The following CDC14B variants were observed in gnomAD, a reference collection of about 807,000 sequenced individuals.
CDC14B encodes cell division cycle 14B.
Under a neutral mutation model 64.2 loss-of-function variants are expected in CDC14B, and 22 were observed. The observed-to-expected ratio is 0.34, with a 90% CI of 0.24 to 0.49. The LOEUF is 0.49. Ranked by LOEUF, CDC14B falls within the 20% of genes least tolerant of loss-of-function variation. The pLI is 0.99. For missense variants in CDC14B, 498 were observed against 629.9 expected, an observed-to-expected ratio of 0.79 and a Z score of 2.24; for synonymous variants, 191 against 215.8, an observed-to-expected ratio of 0.89 and a Z score of 1.01.
At chr9:96,494,048 G>A (rs1410520229) in intron 13 of CDC14B, among the ~76,000 whole-genome samples, 1 of 152,188 alleles carries the variant, frequency 6.6e-6, no homozygotes, top group African/African-American at 2.4e-5. Flanking sequence ...GCAAAGCCTG[G>A]TTACTGAAGG....
At chr9:96,491,612 C>T (rs1220909275) in exon 14 of CDC14B, 1 of 152,226 alleles carries the variant, frequency 6.6e-6, no homozygotes, top group Non-Finnish European at 1.5e-5. Flanking sequence ...TGTCATGAGT[C>T]AGTGGCTTTG....
chr9:96,567,195 G>A, intron 1 of CDC14B: 1 of 284,706 alleles, frequency 3.5e-6, no homozygotes, highest in Non-Finnish European at 6.7e-6. Flanking sequence ...AGGCCAGCGG[G>A]CCTGCAGAGG....
intron 1 of CDC14B, among the ~76,000 whole-genome samples, chr9:96,585,000 G>A (rs1458277881): frequency 2.6e-5 from 4 of 152,014 alleles, no homozygotes; most frequent in South Asian, 2.1e-4. Flanking sequence ...TTGCCTTATC[G>A]GAAGCAAAAT....
chr9:96,533,469 T>C (rs1182575500), intron 9 of CDC14B, among the ~76,000 whole-genome samples: 1 of 152,240 alleles, frequency 6.6e-6, no homozygotes, highest in Admixed American at 6.5e-5. Context: ...GTAACAAAAC[T>C]ATATTTCTTG....
intron 9 of CDC14B, among the ~76,000 whole-genome samples, chr9:96,527,663 C>T (rs139806095): frequency 0.11 from 17,404 of 151,542 alleles, 3,302 homozygotes; most frequent in African/African-American, 0.4. Flanking sequence ...TCGCCCAGGC[C>T]GGAGTGCAAT....
At chr9:96,539,415 T>C (rs1263201174) in intron 6 of CDC14B, among the ~76,000 whole-genome samples, 4 of 152,240 alleles carry the variant, frequency 2.6e-5, no homozygotes, top group African/African-American at 9.6e-5. Flanking sequence ...CCAGTCATCC[T>C]ATCCATGTAT....
chr9:96,544,843 A>G (rs1399770073), intron 5 of CDC14B, among the ~76,000 whole-genome samples: 1 of 152,160 alleles, frequency 6.6e-6, no homozygotes, highest in African/African-American at 2.4e-5. Context: ...AAGGTTCTGA[A>G]GTGAAAAACT....
In CDC14B at chr9:96,522,510, G is replaced by T; in HGVS notation, c.1339C>A (p.Leu447Ile). Residue 447 changes from leucine (L) to isoleucine (I), a missense_variant, in exon 12 of 14, where the codon CTC becomes ATC. Physicochemically the swap from Leu to Ile is conservative, Grantham distance 5 (BLOSUM62 2). Transcript: ENST00000375241. ...RRQSKTNAIP[L>I]TVILQSSVQS... ...AACAAAGGAACCCAGACTCACGTGAGAGGAATAGCGTTTGTTTTGGATTGT... is the reference window on the plus strand; with the variant it reads ...AACAAAGGAACCCAGACTCACGTGATAGGAATAGCGTTTGTTTTGGATTGT... 1 of 1,604,512 alleles carries T rather than the reference G, an allele frequency of 6.2e-7. No homozygotes were observed. Among genetic ancestry groups the T allele is most frequent in the South Asian group, 1.1e-5 (1 of 90,872 alleles).
At chr9:96,611,998 T>C (rs1025140775) in intron 1 of CDC14B, among the ~76,000 whole-genome samples, 4 of 152,244 alleles carry the variant, frequency 2.6e-5, no homozygotes, top group African/African-American at 9.6e-5. Context: ...AATTTAATAT[T>C]AGGCAATATA....
At chr9:96,491,686 GA>G (rs1833099630) in exon 14 of CDC14B, 1 of 152,190 alleles carries the variant, frequency 6.6e-6, no homozygotes, top group South Asian at 2.1e-4. Context: ...GCCCTTTGAA[GA>G]AACTTTCCTT....
At chr9:96,583,370 T>TTATTA (rs1554775482) in intron 1 of CDC14B, among the ~76,000 whole-genome samples, 1 of 139,104 alleles carries the variant, frequency 7.2e-6, no homozygotes, top group African/African-American at 2.7e-5. Flanking sequence ...GTTGTATTTA[T>TTATTA]TTATTATTAT....
chr9:96,547,161 T>G (rs575817632), intron 5 of CDC14B, among the ~76,000 whole-genome samples: 2 of 151,922 alleles, frequency 1.3e-5, no homozygotes, highest in East Asian at 3.9e-4. Context: ...GTGTTTGTTT[T>G]TTTTTTAAGA....
chr9:96,600,420 C>A (rs1403243710), intron 1 of CDC14B, among the ~76,000 whole-genome samples: 1 of 151,806 alleles, frequency 6.6e-6, no homozygotes, highest in Non-Finnish European at 1.5e-5. Flanking sequence ...AATTTATTTA[C>A]CTACCAAAAT....
At chr9:96,526,077 A>G (rs1295668745) in intron 9 of CDC14B, among the ~76,000 whole-genome samples, 1 of 152,078 alleles carries the variant, frequency 6.6e-6, no homozygotes, top group African/African-American at 2.4e-5. Context: ...CTAAGAAAAA[A>G]AAGAGATAGG....
intron 6 of CDC14B, among the ~76,000 whole-genome samples, chr9:96,539,702 GA>G (rs1282703536): frequency 2.0e-5 from 3 of 151,684 alleles, no homozygotes; most frequent in Non-Finnish European, 4.4e-5. Context: ...AACTTTTGAG[GA>G]AAAAAAAGAT....
intron 12 of CDC14B, among the ~76,000 whole-genome samples, chr9:96,520,687 A>G (rs982531261): frequency 1.3e-5 from 2 of 152,214 alleles, no homozygotes; most frequent in African/African-American, 4.8e-5. Flanking sequence ...TCTGAAAAAC[A>G]AAACAAAAAA....
At chr9:96,607,351 A>AC (rs1240908514) in intron 1 of CDC14B, among the ~76,000 whole-genome samples, 1 of 149,112 alleles carries the variant, frequency 6.7e-6, no homozygotes, top group African/African-American at 2.5e-5. Flanking sequence ...AGATTTCATT[A>AC]AATTTTTTTT....
intron 1 of CDC14B, among the ~76,000 whole-genome samples, chr9:96,584,649 T>C (rs1364060780): frequency 1.3e-5 from 2 of 152,174 alleles, no homozygotes; most frequent in African/African-American, 2.4e-5. Flanking sequence ...TAAAACAGAC[T>C]TTATTTTATT....
intron 1 of CDC14B, among the ~76,000 whole-genome samples, chr9:96,587,469 G>A (rs1239810065): frequency 6.6e-6 from 1 of 152,206 alleles, no homozygotes; most frequent in Non-Finnish European, 1.5e-5. Context: ...GAGGGCCTTT[G>A]CTGCCAAGAG....
Sources: gnomAD v4.1 joint callset for allele counts (sites outside exome capture counted in the v4.1 genomes callset) on GRCh38, gnomAD v4.1.1 for gene constraint, MANE v1.5 for transcripts, NCBI Gene and HGNC (gene_info 2026-07-23, HGNC 2026-07-21) for gene names.